The following ASPM variants were observed in gnomAD, a reference collection of about 807,000 sequenced individuals.
ASPM encodes the protein abnormal spindle-like microcephaly-associated protein.
ASPM carries 256 observed loss-of-function variants against 366.4 expected under a neutral mutation model. The observed-to-expected ratio is 0.70, with a 90% CI of 0.63 to 0.77. The LOEUF is 0.77. Ranked by LOEUF, ASPM falls within the 30% of genes least tolerant of loss-of-function variation. The pLI, the probability that ASPM is intolerant of heterozygous loss-of-function variation, is 0.00. For missense variants in ASPM, 4,146 were observed against 4,090.4 expected, an observed-to-expected ratio of 1.01 and a Z score of -0.37; for synonymous variants, 1,414 against 1,342.9, an observed-to-expected ratio of 1.05 and a Z score of -1.16.
In ASPM at chr1:197,124,185, G is replaced by A. The variant is rs760074367; in HGVS notation, c.3315C>T (p.Ser1105=). Residue 1105 remains serine, a synonymous_variant, in exon 13 of 28, where the codon TCC becomes TCT. Coordinates refer to ENST00000367409, the MANE Select transcript of ASPM (RefSeq NM_018136.5). ...NKKKGKRDSG[S]FEQYSENIKL... is the part of the protein sequence containing the mutation. ...TTATGTTTTCACTATATTGTTCAAA[G>A]GAACCACTATCCCTTTTGCCTTTTT... 55 of 1,612,620 alleles carry A rather than the reference G, an allele frequency of 3.4e-5. No individual in the cohort carries two copies. In the South Asian group the frequency reaches 5.9e-4, roughly 17 times the overall value.
chr1:197,142,225 A>G (rs1658607206), intron 3 of ASPM, 106 bp downstream of exon 3: 2 of 1,236,626 alleles, frequency 1.6e-6, no homozygotes, highest in African/African-American at 1.5e-5. Context: ...TACCCAGCAA[A>G]TAAGTAAAAA....
intron 4 of ASPM, among the ~76,000 whole-genome samples, chr1:197,136,864 A>C (rs567619563): frequency 2.6e-5 from 4 of 151,952 alleles, no homozygotes; most frequent in African/African-American, 9.7e-5. Flanking sequence ...ACAAACACTA[A>C]TTTTTTTTAG....
chr1:197,145,383 AAATTACACTTAAC>A (rs1658733542), intron 1 of ASPM, among the ~76,000 whole-genome samples: 1 of 152,208 alleles, frequency 6.6e-6, no homozygotes, highest in Non-Finnish European at 1.5e-5. Context: ...TGCAGCATTA[AAATTACACTTAAC>A]AGCAAAGAAA....
Position 197,091,126 on chromosome 1 carries a change from A to G in ASPM, c.9445-85T>C, listed in dbSNP as rs571125199. ...ACAAATATACATTTATACATAAATGAAAGAAATAGAACAGTATATCAAGAA... is the reference window on the plus strand; with the variant it reads ...ACAAATATACATTTATACATAAATGGAAGAAATAGAACAGTATATCAAGAA... On this transcript the variant is annotated intron_variant, in intron 22 of 27. Coordinates refer to ENST00000367409, the MANE Select transcript of ASPM (RefSeq NM_018136.5). 8.1e-6 allele frequency: 9 copies of G among 1,108,422 alleles called. No individual in the cohort carries two copies. In the East Asian group the frequency reaches 2.1e-4, roughly 25 times the overall value. The allele number at this position is 1,108,422 out of a possible 1,614,324, so 68.7% of individuals were successfully genotyped here. A position where few individuals can be genotyped will look rare whatever the true frequency, so the allele number is the denominator to read the frequency against.
Position 197,084,128 on chromosome 1 carries a change from C to A in ASPM, c.*196G>T. 1 of 556,980 alleles carries A rather than the reference C, an allele frequency of 1.8e-6. No homozygotes were observed. The highest frequency in any genetic ancestry group is 3.2e-6 in the Non-Finnish European group (1 of 316,292). 34.5% of individuals were successfully genotyped at this position (556,980 alleles called of 1,614,324 possible). On this transcript the variant is annotated 3_prime_UTR_variant, in exon 28 of 28. Coordinates refer to ENST00000367409, the MANE Select transcript of ASPM (RefSeq NM_018136.5). Reference sequence around the variant, plus strand: ...AGATAATAGACAGGAATAATATAATCATCTTATGACATATTAGTTTATTAC... The same window carrying A: ...AGATAATAGACAGGAATAATATAATAATCTTATGACATATTAGTTTATTAC...
chr1:197,144,322 A>G (rs1034105241), intron 1 of ASPM, among the ~76,000 whole-genome samples: 2 of 152,162 alleles, frequency 1.3e-5, no homozygotes, highest in African/African-American at 2.4e-5. Flanking sequence ...AAATAATAAA[A>G]TCTTAACTGT....
At position 197,135,261 on chromosome 1, in the gene ASPM, T is replaced by TA. The variant is rs763200128; in HGVS notation, c.2027-20dup. The stretch of plus-strand genomic sequence containing the variant: ...GGAATATCTAAGAATACAATTAGGT[T>TA]ACTGCATAACAAAATTTCCTTTAAC... On this transcript the variant is annotated intron_variant, in intron 4 of 27. Coordinates refer to ENST00000367409, the MANE Select transcript of ASPM (RefSeq NM_018136.5). 1 of 1,613,340 alleles carries TA rather than the reference T, an allele frequency of 6.2e-7. No individual in the cohort carries two copies. The highest frequency in any genetic ancestry group is 1.3e-5 in the African/African-American group (1 of 75,036).
intron 18 of ASPM, among the ~76,000 whole-genome samples, chr1:197,098,164 T>A (rs1309960072): frequency 6.7e-6 from 1 of 148,916 alleles, no homozygotes; most frequent in African/African-American, 2.4e-5. Context: ...TGTGCTTAAA[T>A]CCCAAATGCT....
At chr1:197,135,382 CTGAAAGCATTT>C in intron 4 of ASPM, 140 bp from the exon 5 acceptor site, 1 of 864,376 alleles carries the variant, frequency 1.2e-6, no homozygotes, top group Non-Finnish European at 1.9e-6. Flanking sequence ...CAGGAAAGAG[CTGAAAGCATTT>C]TGGGTAAGAA....
chr1:197,133,806 A>G lies in ASPM; in HGVS notation c.2174-211T>C, dbSNP rs78684793. 2.7e-3 allele frequency among the ~76,000 whole-genome samples: 412 copies of G among 152,274 alleles called. 11 individuals carry two copies. The East Asian group carries it at 0.077, about 29-fold the overall frequency. ...CTAGCCACTTTTCACCGCCTCTACT[A>G]TCACAAATTCAAACATGATTATCTC... On this transcript the variant is annotated intron_variant, in intron 5 of 27. Transcript: ENST00000367409.
rs112253975 is a variant in ASPM at position 197,112,077 on chromosome 1, T to A, written c.4065+5712A>T. Among the ~76,000 whole-genome samples, 618 of 151,530 alleles carry A rather than the reference T, an allele frequency of 4.1e-3. 3 individuals are homozygous for A. Among genetic ancestry groups the A allele is most frequent in the Non-Finnish European group, 6.1e-3 (416 of 67,824 alleles). On this transcript the variant is annotated intron_variant, in intron 17 of 27. Transcript: ENST00000367409. ...GCATGCGTGATGTTCACTGCAGCAA[T>A]ATTCACAATAGCAAAGACATGGAAT...
At chr1:197,089,716 ATTG>A (rs1249591332) in intron 25 of ASPM, among the ~76,000 whole-genome samples, 19 of 152,014 alleles carry the variant, frequency 1.2e-4, no homozygotes, top group Middle Eastern at 3.4e-3. Context: ...ATTAATCATC[ATTG>A]TTTTTAATAT....
Position 197,133,391 on chromosome 1 carries a change from C to A in ASPM, c.2378G>T (p.Arg793Leu). 2 of 1,613,882 alleles carry A rather than the reference C, an allele frequency of 1.2e-6. No homozygotes were observed. The highest frequency in any genetic ancestry group is 1.7e-6 in the Non-Finnish European group (2 of 1,179,894). ...GTGTCTATCTTTTCGAACAATTAAC[C>A]GCCTAGCTTCAATTTCAATTTCAAG... ...KKLEIEIEAR[R>L]LIVRKDRHLW... Residue 793 changes from arginine to leucine, a missense_variant, in exon 6 of 28, where the codon CGG becomes CTG. This residue lies in a region of ASPM where 3,624 missense variants were observed against 3,591.7 expected (regional missense o/e 1.01). Coordinates refer to ENST00000367409, the MANE Select transcript of ASPM (RefSeq NM_018136.5).
At position 197,133,457 on chromosome 1, in the gene ASPM, C is replaced by T. The variant is rs375059809; in HGVS notation, c.2312G>A (p.Arg771His). 22 of 1,613,894 alleles carry T rather than the reference C, an allele frequency of 1.4e-5. No homozygotes were observed. Among genetic ancestry groups the T allele is most frequent in the South Asian group, 6.6e-5 (6 of 91,074 alleles). The change falls in exon 6 of 28, where the codon CGT becomes CAT. Residue 771 changes from arginine (R) to histidine (H), a missense_variant. By Grantham distance (29) the Arg-to-His change is conservative. Transcript: ENST00000367409. Reference protein sequence around the residue: ...RLNRLRRAACRLFTSEKMVKA... With the variant: ...RLNRLRRAACHLFTSEKMVKA... ...AACCATTTTTTCAGAAGTAAACAAACGGCATGCTGCACGACGTAGTCTGTT... is the reference window on the plus strand; with the variant it reads ...AACCATTTTTTCAGAAGTAAACAAATGGCATGCTGCACGACGTAGTCTGTT...
intron 26 of ASPM, 67 bp from the exon 27 acceptor site, chr1:197,087,039 CAAAATCAAATATAATA>C: frequency 7.3e-7 from 1 of 1,372,750 alleles, no homozygotes; most frequent in Non-Finnish European, 1.0e-6. Context: ...TTTAGACTAG[CAAAATCAAATATAATA>C]AAAACTATGC....
At position 197,125,094 on chromosome 1, in the gene ASPM, C is replaced by A. The variant is rs1468614422; in HGVS notation, c.3034G>T (p.Val1012Phe). The A allele has an allele frequency of 1.2e-6, 2 of 1,614,042 alleles. No homozygotes were observed. Among genetic ancestry groups the A allele is most frequent in the Non-Finnish European group, 8.5e-7 (1 of 1,179,970 alleles). The change falls in exon 11 of 28, where the codon GTT becomes TTT. Residue 1012 changes from valine (V) to phenylalanine (F), a missense_variant. Val to Phe is a conservative substitution (Grantham distance 50, BLOSUM62 -1). Transcript: ENST00000367409. ...RLQKMHNVDIVLQVLKSRGIE... is the reference protein window; with the variant it reads ...RLQKMHNVDIFLQVLKSRGIE... ...CCTCGTGATTTAAGAACTTGAAGAA[C>A]AATGTCAACATTGTGCATCTTTTGA...
chr1:197,086,829 T>A lies in ASPM; in HGVS notation c.10305A>T (p.Thr3435=), dbSNP rs1386065228. Reference sequence around the variant, plus strand: ...TTGAAACTATTCTGGTCCTTACAGGTGTTTCTGGGATAAAAGGAATGCTTA... The same window carrying A: ...TTGAAACTATTCTGGTCCTTACAGGAGTTTCTGGGATAAAAGGAATGCTTA... ...SSISIPFIPE[T]PVRTRIVSRL... is the part of the protein sequence containing the mutation. The change falls in exon 27 of 28, where the codon ACA becomes ACT. Residue 3435 remains threonine, a synonymous_variant. Transcript: ENST00000367409. 6.2e-7 allele frequency: 1 copy of A among 1,610,612 alleles called. No individual in the cohort carries two copies.
At position 197,117,876 on chromosome 1, in the gene ASPM, C is replaced by T. The variant is rs137852995; in HGVS notation, c.3978G>A (p.Trp1326Ter). 3.7e-6 allele frequency: 6 copies of T among 1,613,500 alleles called. No individual in the cohort carries two copies. In the South Asian group the frequency reaches 4.4e-5, roughly 12 times the overall value. Residue 1326 changes from tryptophan (W) to a stop codon, truncating the protein, a stop_gained, in exon 17 of 28, where the codon TGG becomes TGA. Transcript: ENST00000367409. LOFTEE classifies it high-confidence loss of function. ...VNAALVIQKY[W>*]RRVLAQRKLL... ...ATTTTCTCTGTGCTAAGACTCTTCG[C>T]CAATATTTCTGAATGACGAGTGCTG...
At chr1:197,086,556 C>CT (rs1656594449) in intron 27 of ASPM, among the ~76,000 whole-genome samples, 1 of 152,044 alleles carries the variant, frequency 6.6e-6, no homozygotes, top group Admixed American at 6.6e-5. Context: ...GCTTCTTAGC[C>CT]TTAGCTCTTA....
Sources: gnomAD v4.1 joint callset for allele counts (sites outside exome capture counted in the v4.1 genomes callset) on GRCh38, gnomAD v4.1.1 for gene constraint, gnomAD v4.1.1 regional missense constraint, MANE v1.5 for transcripts, NCBI Gene and HGNC (gene_info 2026-07-23, HGNC 2026-07-21) for gene names.